KAZN: variants seen among roughly 807,000 people sequenced by gnomAD.
KAZN encodes kazrin.
In KAZN, 40 loss-of-function variants were observed where a neutral mutation model predicts 87.4. The ratio of observed to expected loss-of-function variants is 0.46; its 90% CI spans 0.36 to 0.60. The LOEUF (loss-of-function observed/expected upper bound fraction) is 0.60. KAZN is among the 20% of genes least tolerant of loss of function. The pLI is 0.00. For synonymous variants in KAZN, 466 were observed against 458.3 expected (o/e 1.02, Z -0.22); for missense variants, 898 against 1,073.9 (o/e 0.84, Z 2.29).
intron 2 of KAZN, among the ~76,000 whole-genome samples, chr1:14,501,269 G>A (rs12035028): frequency 2.0e-5 from 3 of 152,050 alleles, no homozygotes; most frequent in East Asian, 3.9e-4. Context: ...TCTAGCCAGC[G>A]CAATTAAGCA....
chr1:14,675,963 C>T (rs1486171428), intron 1 of KAZN, among the ~76,000 whole-genome samples: 1 of 152,238 alleles, frequency 6.6e-6, no homozygotes, highest in East Asian at 1.9e-4. Flanking sequence ...TGGCCCCCTC[C>T]AAGTCTAAGC....
intron 1 of KAZN, among the ~76,000 whole-genome samples, chr1:14,665,932 C>CAAAAAAAAAAAAAAAAAAAA (rs60081619): frequency 9.3e-6 from 1 of 108,044 alleles, no homozygotes; most frequent in Non-Finnish European, 1.8e-5. Flanking sequence ...AAGCTTTGCT[C>CAAAAAAAAAAAAAAAAAAAA]AAAAAAAAAA....
chr1:15,077,964 GA>G lies in KAZN; in HGVS notation c.1222+12213del, dbSNP rs1230314475. Among the ~76,000 whole-genome samples the G allele has an allele frequency of 6.6e-6, 1 of 152,168 alleles. No individual in the cohort carries two copies. The highest frequency in any genetic ancestry group is 2.4e-5 in the African/African-American group (1 of 41,440). On this transcript the variant is annotated intron_variant, in intron 8 of 14. Transcript: ENST00000376030. This position sits in a 1 kb window ranked among gnomAD's most constrained non-coding sequence, Gnocchi z 4.8. ...TTAAGTCTTTCAACGAACACTGACT[GA>G]ATGTTTCCTATATGCCAGGTTTAGG...
Position 14,084,896 on chromosome 1 carries a change from G to C in KAZN, c.92-95539G>C, listed in dbSNP as rs79499563. ...AAGTATAATAAAAAAAAGTACGTGT[G>C]TGTGTATATGTGTGTGCATATATAT... is the stretch of plus-strand genomic sequence containing the variant. On this transcript the variant is annotated intron_variant, in intron 1 of 16. Transcript: ENST00000636203. 4.4e-3 allele frequency among the ~76,000 whole-genome samples: 675 copies of C among 152,216 alleles called. 4 individuals are homozygous for C. The highest frequency in any genetic ancestry group is 0.016 in the African/African-American group (645 of 41,508).
intron 2 of KAZN, among the ~76,000 whole-genome samples, chr1:14,414,055 G>T (rs1557702007): frequency 6.6e-6 from 1 of 152,194 alleles, no homozygotes. Flanking sequence ...AAGCCAAGGT[G>T]GAGAAATGTC....
At chr1:13,894,347 T>C (rs936206729) in intron 1 of KAZN, among the ~76,000 whole-genome samples, 13 of 152,032 alleles carry the variant, frequency 8.6e-5, no homozygotes, top group Admixed American at 5.2e-4. Flanking sequence ...TGGCATGGGC[T>C]GCGGGCCTTA....
intron 1 of KAZN, among the ~76,000 whole-genome samples, chr1:14,934,312 A>G (rs1463476007): frequency 6.7e-6 from 1 of 149,878 alleles, no homozygotes; most frequent in Non-Finnish European, 1.5e-5. Context: ...GGTTCAAACA[A>G]TTCTCTGCTT....
chr1:14,689,442 G>A (rs1477232661), intron 1 of KAZN, among the ~76,000 whole-genome samples: 1 of 152,168 alleles, frequency 6.6e-6, no homozygotes, highest in Non-Finnish European at 1.5e-5. Flanking sequence ...GGAGGATGTT[G>A]ATGGGGGTGG....
chr1:14,622,501 G>A (rs1374360274), intron 1 of KAZN, among the ~76,000 whole-genome samples: 2 of 151,634 alleles, frequency 1.3e-5, no homozygotes, highest in East Asian at 2.0e-4. Flanking sequence ...CCATCCTGGC[G>A]AACACGGTGA....
rs114890715 is a variant in KAZN, at chr1:14,388,585, G to A, written c.249+207993G>A. Among the ~76,000 whole-genome samples the A allele has an allele frequency of 2.9e-3, 442 of 152,204 alleles. 1 individual carries two copies. Among genetic ancestry groups the A allele is most frequent in the African/African-American group, 9.7e-3 (401 of 41,526 alleles). On this transcript the variant is annotated intron_variant, in intron 2 of 16. Coordinates refer to the KAZN transcript ENST00000636203. The stretch of plus-strand genomic sequence containing the variant: ...AGCTCATTTTTGACAAACATGCCAA[G>A]AGCATACACTGGGAAAAAAAGTCTC...
chr1:14,272,317 A>C (rs1021541483), intron 2 of KAZN, among the ~76,000 whole-genome samples: 13 of 152,156 alleles, frequency 8.5e-5, no homozygotes, highest in African/African-American at 3.1e-4. Flanking sequence ...GCAGAAGTTC[A>C]AGAAATGCAA....
chr1:14,020,441 AT>A (rs1640771656), intron 1 of KAZN, among the ~76,000 whole-genome samples: 1 of 152,162 alleles, frequency 6.6e-6, no homozygotes, highest in African/African-American at 2.4e-5. Flanking sequence ...GACCCACAGG[AT>A]AGAGCCTGTT....
Position 14,916,396 on chromosome 1 carries a change from G to A in KAZN, c.227-44288G>A, listed in dbSNP as rs1035688101. The stretch of plus-strand genomic sequence containing the variant: ...TGTTGGCCAGGCTGATCTTGACCTC[G>A]GGTGATCCTGACCTCAGGTGATCCA... On this transcript the variant is annotated intron_variant, in intron 1 of 14. Coordinates refer to ENST00000376030, the MANE Select transcript of KAZN (RefSeq NM_201628.3). Among the ~76,000 whole-genome samples, 13 of 151,972 alleles carry A rather than the reference G, an allele frequency of 8.6e-5. No homozygotes were observed. The East Asian group carries it at 1.9e-3, about 23-fold the overall frequency.
chr1:14,343,018 G>T (rs1657852034), intron 2 of KAZN, among the ~76,000 whole-genome samples: 1 of 152,112 alleles, frequency 6.6e-6, no homozygotes. Flanking sequence ...GCAGGCGCCT[G>T]TAATCCCAGC....
At chr1:15,044,269 G>A in intron 4 of KAZN, 110 bp downstream of exon 4, 1 of 419,798 alleles carries the variant, frequency 2.4e-6, no homozygotes, top group Non-Finnish European at 4.1e-6. Flanking sequence ...GGGTGGGTGG[G>A]GCAGAGCAGA....
intron 1 of KAZN, among the ~76,000 whole-genome samples, chr1:14,844,895 T>C (rs780551755): frequency 6.6e-6 from 1 of 151,780 alleles, no homozygotes; most frequent in Non-Finnish European, 1.5e-5. Context: ...CATAGGTGGA[T>C]AGATGAGTTG....
intron 2 of KAZN, among the ~76,000 whole-genome samples, chr1:14,443,777 T>C (rs1379462384): frequency 6.6e-6 from 1 of 152,238 alleles, no homozygotes; most frequent in Non-Finnish European, 1.5e-5. Context: ...TTCCTTAGAC[T>C]TCTGATTACA....
At chr1:14,444,659 C>A (rs536072948) in intron 2 of KAZN, among the ~76,000 whole-genome samples, 1 of 152,064 alleles carries the variant, frequency 6.6e-6, no homozygotes, top group Non-Finnish European at 1.5e-5. Flanking sequence ...TTCACCCCGA[C>A]GTCTGGGTAG....
chr1:14,347,530 G>GT (rs1658192851), intron 2 of KAZN, among the ~76,000 whole-genome samples: 1 of 152,120 alleles, frequency 6.6e-6, no homozygotes, highest in African/African-American at 2.4e-5. Context: ...AACCATCTTG[G>GT]TATCCTGCCC....
Sources: allele counts gnomAD v4.1 joint callset (sites outside exome capture counted in the v4.1 genomes callset), GRCh38; gene constraint gnomAD v4.1.1; non-coding constraint Gnocchi (gnomAD v3.1); transcripts MANE v1.5; gene names NCBI Gene and HGNC (gene_info 2026-07-23, HGNC 2026-07-21).